Variants in METTL8 observed in about 807,000 individuals in gnomAD.
The protein encoded by METTL8 is tRNA N(3)-cytidine methyltransferase METTL8, mitochondrial.
Under a neutral mutation model 48.7 loss-of-function variants are expected in METTL8, and 32 were observed. The ratio of observed to expected loss-of-function variants is 0.66; its 90% CI spans 0.50 to 0.88. The LOEUF is 0.88. Among genes scored for constraint, METTL8 ranks in the 40% least tolerant of loss-of-function variants. The pLI is 0.00. For missense variants in METTL8, 464 were observed against 474.4 expected, an observed-to-expected ratio of 0.98 and a Z score of 0.20; for synonymous variants, 136 against 157.1, an observed-to-expected ratio of 0.87 and a Z score of 1.01.
intron 2 of METTL8, among the ~76,000 whole-genome samples, chr2:171,374,387 G>A (rs895570776): frequency 7.2e-5 from 11 of 152,074 alleles, no homozygotes; most frequent in African/African-American, 2.4e-4. Flanking sequence ...TTCATTTAAT[G>A]ATATATCATA....
At chr2:171,418,208 G>T (rs1451671164) in intron 1 of METTL8, among the ~76,000 whole-genome samples, 1 of 152,180 alleles carries the variant, frequency 6.6e-6, no homozygotes, top group African/African-American at 2.4e-5. Flanking sequence ...CTCCCAAAGT[G>T]CTGGGATTAC....
At chr2:171,337,390 C>G in intron 5 of METTL8, 63 bp downstream of exon 5, 1 of 1,287,680 alleles carries the variant, frequency 7.8e-7, no homozygotes, top group Non-Finnish European at 1.1e-6. Flanking sequence ...AATATTTTCC[C>G]AGAATTTCTC....
In METTL8 at chr2:171,346,812, C is replaced by T. The variant is rs558525270; in HGVS notation, c.236-7258G>A. On this transcript the variant is annotated intron_variant, in intron 3 of 9. Coordinates refer to ENST00000375258, the MANE Select transcript of METTL8 (RefSeq NM_001321154.2). The stretch of plus-strand genomic sequence containing the variant: ...TTTAAACAATCTATTTACCTTGACC[C>T]ATATTCATCAGAGACATTAAATATC... 8.9e-4 allele frequency among the ~76,000 whole-genome samples: 135 copies of T among 152,306 alleles called. 1 individual carries two copies. The highest frequency in any genetic ancestry group is 3.2e-3 in the African/African-American group (131 of 41,560).
chr2:171,426,261 A>T (rs1185492669), intron 1 of METTL8, among the ~76,000 whole-genome samples: 1 of 152,258 alleles, frequency 6.6e-6, no homozygotes, highest in East Asian at 1.9e-4. Flanking sequence ...AATACTACAC[A>T]GTAGTAAACA....
intron 1 of METTL8, among the ~76,000 whole-genome samples, chr2:171,404,818 C>T (rs1690018045): frequency 6.6e-6 from 1 of 152,052 alleles, no homozygotes; most frequent in Non-Finnish European, 1.5e-5. Context: ...GGATTGAGAA[C>T]CACTCAGATA....
At chr2:171,423,566 G>A (rs1366352130) in intron 1 of METTL8, among the ~76,000 whole-genome samples, 1 of 152,164 alleles carries the variant, frequency 6.6e-6, no homozygotes, top group South Asian at 2.1e-4. Context: ...ATCTCAGATG[G>A]AGATGAAGAA....
At chr2:171,427,839 C>T (rs1208459159) in intron 1 of METTL8, among the ~76,000 whole-genome samples, 1 of 152,170 alleles carries the variant, frequency 6.6e-6, no homozygotes, top group African/African-American at 2.4e-5. Context: ...CTGTTTACTG[C>T]TATACCCTAT....
At position 171,327,456 on chromosome 2, in the gene METTL8, G is replaced by GTGC. The variant is rs1304404922; in HGVS notation, c.861-1311_861-1309dup. Among the ~76,000 whole-genome samples the GTGC allele has an allele frequency of 3.9e-5, 6 of 152,354 alleles. No individual in the cohort carries two copies. The South Asian group carries it at 1.2e-3, about 32-fold the overall frequency. ...CAGAGAATGGTAAATGGCAGCTTGT[G>GTGC]TGCTAAGTCCTTGTCTCTGCCTTAT... On this transcript the variant is annotated intron_variant, in intron 7 of 9. Coordinates refer to ENST00000375258, the MANE Select transcript of METTL8 (RefSeq NM_001321154.2).
intron 1 of METTL8, among the ~76,000 whole-genome samples, chr2:171,397,467 T>C (rs1347778868): frequency 7.3e-6 from 1 of 136,880 alleles, no homozygotes; most frequent in South Asian, 2.3e-4. Context: ...CGAGGGAGGA[T>C]CACTTGAGTT....
chr2:171,375,227 C>T (rs537758089), intron 2 of METTL8: 30 of 1,292,524 alleles, frequency 2.3e-5, no homozygotes, highest in Admixed American at 1.8e-4. Flanking sequence ...ATAGGATGCA[C>T]GTGGCCGCGG....
intron 2 of METTL8, chr2:171,374,969 C>T (rs943689599): frequency 2.5e-6 from 3 of 1,214,174 alleles, no homozygotes; most frequent in Non-Finnish European, 3.6e-6. Flanking sequence ...GCAGCACCCA[C>T]AGGTCTAAAT....
intron 3 of METTL8, among the ~76,000 whole-genome samples, chr2:171,346,559 C>A (rs1395229437): frequency 6.6e-6 from 1 of 152,122 alleles, no homozygotes; most frequent in Non-Finnish European, 1.5e-5. Context: ...CATGGGAGAA[C>A]AACCAGTACT....
In METTL8 at chr2:171,319,845, G is replaced by A. The variant is rs1474284603; in HGVS notation, c.*4327C>T. The A allele has an allele frequency of 6.6e-6, 1 of 152,120 alleles. No individual in the cohort carries two copies. The highest frequency in any genetic ancestry group is 1.5e-5 in the Non-Finnish European group (1 of 68,022). 9.4% of individuals were successfully genotyped at this position (152,120 alleles called of 1,614,324 possible). On this transcript the variant is annotated 3_prime_UTR_variant, in exon 10 of 10. Transcript: ENST00000375258. The stretch of plus-strand genomic sequence containing the variant: ...TTAGAAATGGAGAAAAAAATGAAGG[G>A]TGCATTTAAACAATATATTCCATTG...
At chr2:171,381,421 T>C (rs544596339) in intron 2 of METTL8, among the ~76,000 whole-genome samples, 3 of 152,154 alleles carry the variant, frequency 2.0e-5, no homozygotes, top group African/African-American at 7.2e-5. Flanking sequence ...CTAATTAAAC[T>C]AAAGGGCTTC....
At chr2:171,344,201 C>A (rs1173036716) in intron 3 of METTL8, among the ~76,000 whole-genome samples, 2 of 152,330 alleles carry the variant, frequency 1.3e-5, no homozygotes, top group East Asian at 1.9e-4. Context: ...ATTTTTCCCC[C>A]ATTTAATCCT....
chr2:171,351,759 C>G (rs1353212665), intron 3 of METTL8, among the ~76,000 whole-genome samples: 2 of 152,114 alleles, frequency 1.3e-5, no homozygotes, highest in Non-Finnish European at 2.9e-5. Flanking sequence ...ATTTGGCTCT[C>G]TGTTTGTCTG....
intron 1 of METTL8, among the ~76,000 whole-genome samples, chr2:171,430,990 A>C (rs1559233386): frequency 6.6e-6 from 1 of 152,158 alleles, no homozygotes; most frequent in Non-Finnish European, 1.5e-5. Context: ...TTCTGAGCCC[A>C]TAAAAGCCCC....
intron 2 of METTL8, among the ~76,000 whole-genome samples, chr2:171,390,009 T>G (rs1033445273): frequency 6.6e-6 from 1 of 152,220 alleles, no homozygotes; most frequent in East Asian, 1.9e-4. Flanking sequence ...AAGGACAGGC[T>G]GACTCTCCTG....
At chr2:171,355,009 C>G (rs1022099051) in intron 3 of METTL8, among the ~76,000 whole-genome samples, 10 of 152,300 alleles carry the variant, frequency 6.6e-5, no homozygotes, top group Admixed American at 2.6e-4. Context: ...CCATTGCTGG[C>G]GAGGAACCGC....
Sources: allele counts gnomAD v4.1 joint callset (sites outside exome capture counted in the v4.1 genomes callset), GRCh38; gene constraint gnomAD v4.1.1; transcripts MANE v1.5; gene names NCBI Gene and HGNC (gene_info 2026-07-23, HGNC 2026-07-21).